The following DISC1 variants were observed in gnomAD, a reference collection of about 807,000 sequenced individuals.
DISC1 encodes the protein disrupted in schizophrenia 1 protein.
DISC1 carries 57 observed loss-of-function variants against 84.5 expected under a neutral mutation model. The ratio of observed to expected loss-of-function variants is 0.67; its 90% CI spans 0.55 to 0.84. DISC1 has a LOEUF of 0.84. Ranked by LOEUF, DISC1 falls within the 40% of genes least tolerant of loss-of-function variation. DISC1 has a pLI of 0.00. For synonymous variants in DISC1, 411 were observed against 415.2 expected (o/e 0.99, Z 0.12); for missense variants, 1,000 against 1,057.8 (o/e 0.95, Z 0.76).
chr1:231,679,101 T>C (rs1184339768), intron 1 of DISC1, among the ~76,000 whole-genome samples: 2 of 152,266 alleles, frequency 1.3e-5, no homozygotes, highest in Non-Finnish European at 2.9e-5. Flanking sequence ...AGCCAGGCAA[T>C]GTCACAGCTT....
chr1:232,018,472 G>C (rs1388036449), intron 11 of DISC1, among the ~76,000 whole-genome samples: 6 of 152,170 alleles, frequency 3.9e-5, no homozygotes, highest in South Asian at 4.1e-4. Context: ...ATGCTTTTCT[G>C]GGTATACACT....
At chr1:231,634,705 A>G (rs180793005) in intron 1 of DISC1, among the ~76,000 whole-genome samples, 2 of 152,200 alleles carry the variant, frequency 1.3e-5, no homozygotes, top group African/African-American at 4.8e-5. Flanking sequence ...CACAAACACT[A>G]GCACCTACTG....
chr1:231,817,761 A>C (rs1460132670), intron 8 of DISC1, among the ~76,000 whole-genome samples: 3 of 152,148 alleles, frequency 2.0e-5, no homozygotes, highest in Non-Finnish European at 4.4e-5. Context: ...TTAATTTATC[A>C]TATATTTTTC....
chr1:231,691,153 G>A (rs1408406997), intron 1 of DISC1, among the ~76,000 whole-genome samples: 7 of 152,178 alleles, frequency 4.6e-5, no homozygotes, highest in Admixed American at 2.0e-4. Context: ...GGCTGGGCGC[G>A]GTGGCTGTGG....
chr1:231,647,467 C>A (rs952907202), intron 1 of DISC1, among the ~76,000 whole-genome samples: 4 of 152,142 alleles, frequency 2.6e-5, no homozygotes, highest in Non-Finnish European at 5.9e-5. Context: ...GTTACTGTAG[C>A]CTTGTAGTAT....
intron 10 of DISC1, among the ~76,000 whole-genome samples, chr1:231,975,760 TG>T (rs1402184595): frequency 6.6e-6 from 1 of 151,988 alleles, no homozygotes; most frequent in Non-Finnish European, 1.5e-5. Context: ...CACTCCTAAG[TG>T]GGTGTTAAAA....
intron 9 of DISC1, among the ~76,000 whole-genome samples, chr1:231,829,640 C>G (rs1408335254): frequency 1.3e-5 from 2 of 152,214 alleles, no homozygotes; most frequent in Non-Finnish European, 2.9e-5. Flanking sequence ...AGTGAGCCAC[C>G]ATGCCCGGCC....
chr1:231,697,793 G>T (rs1462980335), intron 2 of DISC1, among the ~76,000 whole-genome samples: 1 of 152,030 alleles, frequency 6.6e-6, no homozygotes, highest in Non-Finnish European at 1.5e-5. Flanking sequence ...TGGGTCACCT[G>T]ATGTACACGC....
chr1:232,030,260 T>C (rs1323457469), intron 12 of DISC1, among the ~76,000 whole-genome samples: 1 of 152,220 alleles, frequency 6.6e-6, no homozygotes, highest in Non-Finnish European at 1.5e-5. Flanking sequence ...ACATTTTGAC[T>C]GTGTGCAAGG....
intron 9 of DISC1, among the ~76,000 whole-genome samples, chr1:231,880,119 G>A (rs1390875601): frequency 6.6e-6 from 1 of 152,134 alleles, no homozygotes; most frequent in African/African-American, 2.4e-5. Context: ...GAAATAATGA[G>A]CTAATGGGTT....
chr1:231,863,464 C>G (rs762708236), intron 9 of DISC1, among the ~76,000 whole-genome samples: 6 of 152,072 alleles, frequency 3.9e-5, no homozygotes, highest in Admixed American at 2.0e-4. Flanking sequence ...CTCCTGGCCT[C>G]AAGCAATTTC....
At chr1:231,628,859 A>G (rs1423116336) in intron 1 of DISC1, among the ~76,000 whole-genome samples, 1 of 152,138 alleles carries the variant, frequency 6.6e-6, no homozygotes, top group Non-Finnish European at 1.5e-5. Context: ...CTCCTGTTCC[A>G]GCTTTTTGAG....
chr1:231,789,532 C>T (rs367653711), intron 6 of DISC1, among the ~76,000 whole-genome samples: 87 of 152,270 alleles, frequency 5.7e-4, no homozygotes, highest in Middle Eastern at 3.4e-3. Flanking sequence ...TGTTCAGAGA[C>T]GATTGCAGCA....
chr1:231,945,719 G>T (rs1657043471), intron 9 of DISC1, among the ~76,000 whole-genome samples: 1 of 152,066 alleles, frequency 6.6e-6, no homozygotes, highest in Non-Finnish European at 1.5e-5. Flanking sequence ...CCACTAGCCA[G>T]ACTAATAAAG....
At chr1:231,889,408 A>T (rs904230397) in intron 9 of DISC1, among the ~76,000 whole-genome samples, 1 of 152,252 alleles carries the variant, frequency 6.6e-6, no homozygotes, top group Non-Finnish European at 1.5e-5. Flanking sequence ...AAGCCAGAGA[A>T]GTAAGTATTT....
chr1:231,741,402 T>C (rs1241304200), intron 3 of DISC1, among the ~76,000 whole-genome samples: 1 of 152,184 alleles, frequency 6.6e-6, no homozygotes, highest in Non-Finnish European at 1.5e-5. Context: ...AAGTGGCTTA[T>C]GAAAAACATA....
At chr1:231,760,765 A>C (rs2075581530) in intron 4 of DISC1, among the ~76,000 whole-genome samples, 1 of 152,138 alleles carries the variant, frequency 6.6e-6, no homozygotes, top group African/African-American at 2.4e-5. Flanking sequence ...TTGCCCTGTC[A>C]ACATTCTCAC....
intron 6 of DISC1, among the ~76,000 whole-genome samples, chr1:231,779,647 C>T (rs1049604482): frequency 6.9e-6 from 1 of 144,024 alleles, no homozygotes; most frequent in African/African-American, 2.6e-5. Flanking sequence ...GCAAGCTCCA[C>T]TTCCCGGGTT....
intron 8 of DISC1, 56 bp downstream of exon 8, chr1:231,800,266 C>A: frequency 7.4e-7 from 1 of 1,345,582 alleles, no homozygotes; most frequent in South Asian, 1.2e-5. Context: ...TGACAGCTAC[C>A]AGCACATCGT....
Sources: gnomAD v4.1 joint callset for allele counts (sites outside exome capture counted in the v4.1 genomes callset) on GRCh38, gnomAD v4.1.1 for gene constraint, MANE v1.5 for transcripts, NCBI Gene and HGNC (gene_info 2026-07-23, HGNC 2026-07-21) for gene names.